GPC5: variants seen among roughly 807,000 people sequenced by gnomAD.
The protein encoded by GPC5 is glypican-5.
GPC5 carries 47 observed loss-of-function variants against 53.9 expected under a neutral mutation model. The ratio of observed to expected loss-of-function variants is 0.87; its 90% CI spans 0.69 to 1.11. The LOEUF (loss-of-function observed/expected upper bound fraction) is 1.11, where lower values mean the gene tolerates loss of function less well. Ranked by LOEUF, GPC5 falls within the 50% of genes most tolerant of loss-of-function variation. The pLI is 0.00. For missense variants in GPC5, 748 were observed against 713.1 expected (o/e 1.05, Z -0.56); for synonymous variants, 286 against 263.3 (o/e 1.09, Z -0.84).
chr13:92,440,603 T>C (rs1020819495), intron 7 of GPC5, among the ~76,000 whole-genome samples: 1 of 152,196 alleles, frequency 6.6e-6, no homozygotes, highest in Admixed American at 6.5e-5. Context: ...TATTTTCCTT[T>C]GGGTATATAC....
intron 7 of GPC5, among the ~76,000 whole-genome samples, chr13:92,579,741 G>A (rs1227131577): frequency 6.6e-6 from 1 of 151,918 alleles, no homozygotes; most frequent in Admixed American, 6.6e-5. Flanking sequence ...GATTACCATC[G>A]TACATCATCT....
intron 6 of GPC5, among the ~76,000 whole-genome samples, chr13:92,093,951 T>C (rs901594558): frequency 1.3e-5 from 2 of 152,206 alleles, no homozygotes; most frequent in African/African-American, 2.4e-5. Flanking sequence ...GTCATAAAAA[T>C]AGTAAATTTT....
Position 92,347,925 on chromosome 13 carries a change from T to TATATATATAATATAC in GPC5, c.1561+202943_1561+202944insTAATATACATATATA, listed in dbSNP as rs1566550154. On this transcript the variant is annotated intron_variant, in intron 7 of 7. Coordinates refer to ENST00000377067, the MANE Select transcript of GPC5 (RefSeq NM_004466.6). ...TAATATATATATAATATATATATAT[T>TATATATATAATATAC]ATATATACATCTTATATGTAAACCT... Among the ~76,000 whole-genome samples, 20 of 20,906 alleles carry TATATATATAATATAC rather than the reference T, an allele frequency of 9.6e-4. 2 individuals carry two copies. The African/African-American group carries it at 0.016, about 17-fold the overall frequency. The allele number at this position is 20,906 out of a possible 152,430, so 13.7% of individuals were successfully genotyped here.
At chr13:92,424,741 C>T (rs1181169993) in intron 7 of GPC5, among the ~76,000 whole-genome samples, 2 of 151,690 alleles carry the variant, frequency 1.3e-5, no homozygotes, top group Non-Finnish European at 2.9e-5. Context: ...GACTTGCTTC[C>T]TCTTTCTTTG....
rs929187337 is a variant in GPC5 at position 92,356,521 on chromosome 13, T to C, written c.1561+211532T>C. Among the ~76,000 whole-genome samples, 13 of 152,236 alleles carry C rather than the reference T, an allele frequency of 8.5e-5. No homozygotes were observed. The Middle Eastern group carries it at 0.01, about 119-fold the overall frequency. ...CAGACCCCTTACTTGGAGAGGTAAG[T>C]TGTGGAAAGTTGTTGGACTTTGAAT... On this transcript the variant is annotated intron_variant, in intron 7 of 7. Coordinates refer to ENST00000377067, the MANE Select transcript of GPC5 (RefSeq NM_004466.6).
intron 7 of GPC5, among the ~76,000 whole-genome samples, chr13:92,828,723 C>T (rs1877939074): frequency 6.6e-6 from 1 of 152,084 alleles, no homozygotes; most frequent in African/African-American, 2.4e-5. Context: ...CTGCTGGTAC[C>T]TTGAGAAAGT....
chr13:91,787,843 T>C (rs773566368), intron 5 of GPC5, among the ~76,000 whole-genome samples: 25 of 152,212 alleles, frequency 1.6e-4, no homozygotes, highest in Non-Finnish European at 2.9e-5. Context: ...CATTCTGTCA[T>C]TTTGTAATGA....
chr13:91,691,515 G>A (rs1008577392), intron 2 of GPC5, among the ~76,000 whole-genome samples: 6 of 152,094 alleles, frequency 3.9e-5, no homozygotes, highest in Non-Finnish European at 5.9e-5. Context: ...AGTTACTAGC[G>A]ATGCACAGGT....
At chr13:92,628,731 C>A (rs547319443) in intron 7 of GPC5, among the ~76,000 whole-genome samples, 1 of 152,132 alleles carries the variant, frequency 6.6e-6, no homozygotes, top group Non-Finnish European at 1.5e-5. Context: ...AGTGTTCAAA[C>A]CCCTGACTCC....
chr13:92,089,659 A>G (rs1450351363), intron 6 of GPC5, among the ~76,000 whole-genome samples: 1 of 152,226 alleles, frequency 6.6e-6, no homozygotes, highest in African/African-American at 2.4e-5. Context: ...ATAGAAATGC[A>G]AACTATTTGA....
chr13:91,549,378 T>C (rs2152579), intron 2 of GPC5, among the ~76,000 whole-genome samples: 1 of 152,054 alleles, frequency 6.6e-6, no homozygotes, highest in East Asian at 1.9e-4. Context: ...AGGCACAATA[T>C]ATGAAAAACA....
At chr13:91,447,240 G>A (rs1015751502) in intron 1 of GPC5, among the ~76,000 whole-genome samples, 16 of 151,136 alleles carry the variant, frequency 1.1e-4, no homozygotes, top group African/African-American at 2.7e-4. Context: ...ATATTTATTC[G>A]TTAGTTCTTT....
chr13:91,401,241 A>C lies in GPC5; in HGVS notation c.163+2032A>C, dbSNP rs146216597. ...TCTGTATTGTTGGTCATTCTTTTAC[A>C]AATAATTCAGCAAAATATTAAACTT... On this transcript the variant is annotated intron_variant, in intron 1 of 7. Coordinates refer to ENST00000377067, the MANE Select transcript of GPC5 (RefSeq NM_004466.6). 3.9e-3 allele frequency among the ~76,000 whole-genome samples: 598 copies of C among 152,272 alleles called. 4 individuals are homozygous for C. Among genetic ancestry groups the C allele is most frequent in the African/African-American group, 0.014 (582 of 41,554 alleles).
At chr13:92,013,251 G>T (rs150558213) in intron 6 of GPC5, among the ~76,000 whole-genome samples, 13 of 152,330 alleles carry the variant, frequency 8.5e-5, no homozygotes, top group East Asian at 3.9e-4. Context: ...TAAAGGCAGA[G>T]AATTTTATTT....
intron 1 of GPC5, among the ~76,000 whole-genome samples, chr13:91,441,164 G>A (rs75604158): frequency 0.021 from 3,236 of 152,080 alleles, 64 homozygotes; most frequent in South Asian, 0.047. Flanking sequence ...ACTCTCTAGG[G>A]CTTTCAAGTC....
chr13:92,837,651 A>C (rs1469547727), intron 7 of GPC5, among the ~76,000 whole-genome samples: 1 of 152,192 alleles, frequency 6.6e-6, no homozygotes, highest in African/African-American at 2.4e-5. Context: ...AAGCCTGCGA[A>C]AAGCAACACA....
At chr13:92,256,233 T>C (rs1246250443) in intron 7 of GPC5, among the ~76,000 whole-genome samples, 1 of 151,930 alleles carries the variant, frequency 6.6e-6, no homozygotes, top group Non-Finnish European at 1.5e-5. Flanking sequence ...CACTCCAAGA[T>C]GGTGTCCTCA....
intron 7 of GPC5, among the ~76,000 whole-genome samples, chr13:92,400,844 T>C (rs567199828): frequency 1.9e-4 from 29 of 152,280 alleles, no homozygotes; most frequent in African/African-American, 6.3e-4. Context: ...AACTTACAAA[T>C]GCTTGGCAAA....
At position 91,712,283 on chromosome 13, in the gene GPC5, G is replaced by A. The variant is rs981339424; in HGVS notation, c.1021-16249G>A. ...GTTAAGAGCATACATCAAAAGCAAA[G>A]TTGTTTCCAGTTTAATGTGTGTGTG... On this transcript the variant is annotated intron_variant, in intron 3 of 7. Transcript: ENST00000377067. Among the ~76,000 whole-genome samples, 5 of 151,418 alleles carry A rather than the reference G, an allele frequency of 3.3e-5. No individual in the cohort carries two copies. In the East Asian group the frequency reaches 9.7e-4, roughly 29 times the overall value.
Sources: allele counts gnomAD v4.1 joint callset (sites outside exome capture counted in the v4.1 genomes callset), GRCh38; gene constraint gnomAD v4.1.1; transcripts MANE v1.5; gene names NCBI Gene and HGNC (gene_info 2026-07-23, HGNC 2026-07-21).